MAP2K5: variants seen among roughly 807,000 people sequenced by gnomAD.
The protein encoded by MAP2K5 is dual specificity mitogen-activated protein kinase kinase 5.
Under a neutral mutation model 83.1 loss-of-function variants are expected in MAP2K5, and 49 were observed. The observed-to-expected ratio is 0.59, with a 90% CI of 0.47 to 0.75. MAP2K5 has a LOEUF of 0.75. Among genes scored for constraint, MAP2K5 ranks in the 30% least tolerant of loss-of-function variants. The pLI, the probability that MAP2K5 is intolerant of heterozygous loss-of-function variation, is 0.00. For synonymous variants in MAP2K5, 202 were observed against 191.8 expected (o/e 1.05, Z -0.44); for missense variants, 457 against 557.5 (o/e 0.82, Z 1.82).
rs988380698 is a variant in MAP2K5, at chr15:67,708,291, C to T, written c.1044+4883C>T. On this transcript the variant is annotated intron_variant, in intron 16 of 21. Transcript: ENST00000178640. This position sits in a 1 kb window ranked among gnomAD's most constrained non-coding sequence, Gnocchi z 4.9. ...TGAGCTATGATTGCACCACCACACT[C>T]CAGCCTAGTCAACAGAGCAAGATGC... Among the ~76,000 whole-genome samples, 1 of 151,736 alleles carries T rather than the reference C, an allele frequency of 6.6e-6. No individual in the cohort carries two copies. Among genetic ancestry groups the T allele is most frequent in the Non-Finnish European group, 1.5e-5 (1 of 67,926 alleles).
intron 13 of MAP2K5, among the ~76,000 whole-genome samples, chr15:67,688,148 C>T (rs1347835699): frequency 6.6e-6 from 1 of 152,224 alleles, no homozygotes; most frequent in Non-Finnish European, 1.5e-5. Context: ...GGACACAGAG[C>T]CACAGCGCAA....
At chr15:67,735,910 C>T (rs903753516) in intron 17 of MAP2K5, among the ~76,000 whole-genome samples, 2 of 152,160 alleles carry the variant, frequency 1.3e-5, no homozygotes, top group Admixed American at 6.5e-5. Context: ...CCTTCTACTT[C>T]TCTCCCTTTG....
chr15:67,714,283 C>A (rs1250607531), intron 16 of MAP2K5, among the ~76,000 whole-genome samples: 1 of 151,736 alleles, frequency 6.6e-6, no homozygotes, highest in Non-Finnish European at 1.5e-5. Context: ...AGAAGTAAGC[C>A]TTTTGAAATA....
chr15:67,626,638 C>T (rs1468797887), intron 8 of MAP2K5, among the ~76,000 whole-genome samples: 1 of 152,054 alleles, frequency 6.6e-6, no homozygotes, highest in Admixed American at 6.6e-5. Flanking sequence ...GTGGCTCATA[C>T]CTGTAATCCC....
At position 67,778,577 on chromosome 15, in the gene MAP2K5, AC is replaced by A. The variant is rs913815198; in HGVS notation, c.1242+5826del. On this transcript the variant is annotated intron_variant, in intron 21 of 21. Coordinates refer to ENST00000178640, the MANE Select transcript of MAP2K5 (RefSeq NM_145160.3). This position sits in a 1 kb window ranked among gnomAD's most constrained non-coding sequence, Gnocchi z 5.0. ...TCTGAGGTCTTATGAAGGCAGGTAAACAAGGGGGTCACCAGCAAGTCTTAGA... is the reference window on the plus strand; with the variant it reads ...TCTGAGGTCTTATGAAGGCAGGTAAAAAGGGGGTCACCAGCAAGTCTTAGA... Among the ~76,000 whole-genome samples the A allele has an allele frequency of 1.2e-4, 18 of 152,358 alleles. No homozygotes were observed. Among genetic ancestry groups the A allele is most frequent in the African/African-American group, 4.3e-4 (18 of 41,588 alleles).
chr15:67,604,092 A>G (rs1376673547), intron 8 of MAP2K5, among the ~76,000 whole-genome samples: 1 of 152,272 alleles, frequency 6.6e-6, no homozygotes, highest in Non-Finnish European at 1.5e-5. Context: ...CTTTAAGTGT[A>G]GATATCCTTC....
At chr15:67,726,696 C>T (rs2089103866) in intron 16 of MAP2K5, among the ~76,000 whole-genome samples, 2 of 152,168 alleles carry the variant, frequency 1.3e-5, no homozygotes. Flanking sequence ...TGTTTGGGAG[C>T]TACTTCAGTG....
chr15:67,638,157 T>C lies in MAP2K5; in HGVS notation c.585+7230T>C, dbSNP rs2086643787. On this transcript the variant is annotated intron_variant, in intron 9 of 21. Transcript: ENST00000178640. The surrounding 1 kb of genome is among the most constrained non-coding windows in gnomAD (Gnocchi z 4.5). ...TGCCATGGGGGTTTGTTGTACAGAT[T>C]ATTTTGTCACCCAGGTATTAAGCCT... Among the ~76,000 whole-genome samples, 1 of 152,142 alleles carries C rather than the reference T, an allele frequency of 6.6e-6. No homozygotes were observed. Among genetic ancestry groups the C allele is most frequent in the Non-Finnish European group, 1.5e-5 (1 of 68,026 alleles).
At chr15:67,626,144 GA>G (rs2086315501) in intron 8 of MAP2K5, among the ~76,000 whole-genome samples, 1 of 152,134 alleles carries the variant, frequency 6.6e-6, no homozygotes, top group Admixed American at 6.5e-5. Context: ...CTGTGATGTG[GA>G]GGGGGAAAAA....
At position 67,555,886 on chromosome 15, in the gene MAP2K5, C is replaced by T. The variant is rs565417480; in HGVS notation, c.184+5804C>T. Among the ~76,000 whole-genome samples the T allele has an allele frequency of 7.2e-5, 11 of 151,840 alleles. No homozygotes were observed. In the East Asian group the frequency reaches 1.5e-3, roughly 21 times the overall value. ...GCAACCTCCACCTCAGGGGTTCAAGCGATTCTCCTGCCTCAGCCTCCCAAG... is the reference window on the plus strand; with the variant it reads ...GCAACCTCCACCTCAGGGGTTCAAGTGATTCTCCTGCCTCAGCCTCCCAAG... On this transcript the variant is annotated intron_variant, in intron 2 of 21. Coordinates refer to ENST00000178640, the MANE Select transcript of MAP2K5 (RefSeq NM_145160.3). This position sits in a 1 kb window ranked among gnomAD's most constrained non-coding sequence, Gnocchi z 5.2.
chr15:67,715,541 G>A (rs1189949640), intron 16 of MAP2K5, among the ~76,000 whole-genome samples: 1 of 152,116 alleles, frequency 6.6e-6, no homozygotes, highest in African/African-American at 2.4e-5. Context: ...AGCAGTCCCA[G>A]CTAAGCATTT....
intron 2 of MAP2K5, among the ~76,000 whole-genome samples, chr15:67,556,070 G>A (rs1031161820): frequency 2.0e-5 from 3 of 152,212 alleles, no homozygotes; most frequent in Admixed American, 6.5e-5. Context: ...ACAGGCATGA[G>A]CCACCGTACC....
At chr15:67,616,481 G>A (rs7164011) in intron 8 of MAP2K5, among the ~76,000 whole-genome samples, 22,119 of 151,980 alleles carry the variant, frequency 0.15, 2,070 homozygotes, top group African/African-American at 0.25. Flanking sequence ...TCTGATGGAC[G>A]TCCTATAAAT....
intron 17 of MAP2K5, among the ~76,000 whole-genome samples, chr15:67,735,427 A>G (rs1255165263): frequency 2.6e-5 from 4 of 152,240 alleles, no homozygotes; most frequent in Non-Finnish European, 1.5e-5. Flanking sequence ...TACCTTCTAC[A>G]CTATTGTATG....
chr15:67,791,024 C>G (rs2090507715), intron 21 of MAP2K5, among the ~76,000 whole-genome samples: 1 of 152,190 alleles, frequency 6.6e-6, no homozygotes, highest in Non-Finnish European at 1.5e-5. Context: ...TATTACCTGT[C>G]TACCCAGAGA....
chr15:67,713,863 T>C (rs1368845892), intron 16 of MAP2K5, among the ~76,000 whole-genome samples: 6 of 152,248 alleles, frequency 3.9e-5, no homozygotes, highest in Admixed American at 1.3e-4. Context: ...TCAAGGGCTG[T>C]TATCCTAATT....
At position 67,596,238 on chromosome 15, in the gene MAP2K5, T is replaced by TG. The variant is rs2085523746; in HGVS notation, c.480+3266dup. 3.3e-5 allele frequency among the ~76,000 whole-genome samples: 5 copies of TG among 152,084 alleles called. No homozygotes were observed. The South Asian group carries it at 1.0e-3, about 32-fold the overall frequency. ...GAGTTTGAGACCAGCCTGGCCAACA[T>TG]GGTGAAACCTCTTCTCTACTAAAAA... On this transcript the variant is annotated intron_variant, in intron 7 of 21. Coordinates refer to ENST00000178640, the MANE Select transcript of MAP2K5 (RefSeq NM_145160.3).
chr15:67,593,598 A>T (rs972192957), intron 7 of MAP2K5, among the ~76,000 whole-genome samples: 2 of 152,222 alleles, frequency 1.3e-5, no homozygotes, highest in Non-Finnish European at 2.9e-5. Context: ...AAATTAAGCT[A>T]CCTACAGGGT....
At chr15:67,646,926 G>A (rs2086844768) in intron 11 of MAP2K5, among the ~76,000 whole-genome samples, 1 of 152,106 alleles carries the variant, frequency 6.6e-6, no homozygotes, top group South Asian at 2.1e-4. Context: ...GCCAAGATGT[G>A]TTTAATTTTC....
Sources: gnomAD v4.1 joint callset for allele counts (sites outside exome capture counted in the v4.1 genomes callset) on GRCh38, gnomAD v4.1.1 for gene constraint, Gnocchi (gnomAD v3.1) non-coding constraint, MANE v1.5 for transcripts, NCBI Gene and HGNC (gene_info 2026-07-23, HGNC 2026-07-21) for gene names.